LUZP2: variants seen among roughly 807,000 people sequenced by gnomAD.
LUZP2 encodes the protein leucine zipper protein 2.
A neutral mutation model predicts 51.6 loss-of-function variants in LUZP2; 52 were observed. The ratio of observed to expected loss-of-function variants is 1.01; its 90% CI spans 0.81 to 1.27. The LOEUF is 1.27. LUZP2 is among the 50% of genes most tolerant of loss of function. LUZP2 has a pLI of 0.00. For missense variants in LUZP2, 436 were observed against 395.4 expected, an observed-to-expected ratio of 1.10 and a Z score of -0.87; for synonymous variants, 154 against 137.3, an observed-to-expected ratio of 1.12 and a Z score of -0.85.
chr11:24,583,735 G>T (rs560406275), intron 1 of LUZP2, among the ~76,000 whole-genome samples: 15 of 147,684 alleles, frequency 1.0e-4, no homozygotes, highest in African/African-American at 3.2e-4. Flanking sequence ...ATGGAGTCTC[G>T]CTCTGTCGCC....
chr11:24,896,844 G>A (rs1204770554), intron 5 of LUZP2, among the ~76,000 whole-genome samples: 1 of 152,192 alleles, frequency 6.6e-6, no homozygotes, highest in Non-Finnish European at 1.5e-5. Flanking sequence ...TCTAGCTGAA[G>A]GTTTGTAAAC....
chr11:25,034,876 T>C (rs1203714319), intron 9 of LUZP2, among the ~76,000 whole-genome samples: 1 of 152,142 alleles, frequency 6.6e-6, no homozygotes, highest in Non-Finnish European at 1.5e-5. Context: ...CTTGTTCTTT[T>C]TGGTTAGGAT....
chr11:24,897,598 G>A lies in LUZP2; in HGVS notation c.397-8393G>A, dbSNP rs1225288391. Among the ~76,000 whole-genome samples, 9 of 152,188 alleles carry A rather than the reference G, an allele frequency of 5.9e-5. No homozygotes were observed. The South Asian group carries it at 1.7e-3, about 28-fold the overall frequency. Reference sequence around the variant, plus strand: ...AGGGAGACCAGGAACCCACCAGAAGGAAGAAACTCTGACCATGTCCGAACA... The same window carrying A: ...AGGGAGACCAGGAACCCACCAGAAGAAAGAAACTCTGACCATGTCCGAACA... On this transcript the variant is annotated intron_variant, in intron 5 of 11. Coordinates refer to ENST00000336930, the MANE Select transcript of LUZP2 (RefSeq NM_001009909.4).
chr11:24,802,866 T>C (rs1849733224), intron 5 of LUZP2, among the ~76,000 whole-genome samples: 1 of 152,062 alleles, frequency 6.6e-6, no homozygotes, highest in Non-Finnish European at 1.5e-5. Context: ...TGGGATTAAT[T>C]ATCTTATATA....
At chr11:24,569,491 G>T (rs1459294069) in intron 1 of LUZP2, among the ~76,000 whole-genome samples, 1 of 151,986 alleles carries the variant, frequency 6.6e-6, no homozygotes, top group Admixed American at 6.6e-5. Flanking sequence ...TAATGTTGAT[G>T]CTGCTACTCT....
chr11:25,050,277 A>G, intron 10 of LUZP2, 147 bp downstream of exon 10: 1 of 252,540 alleles, frequency 4.0e-6, no homozygotes, highest in East Asian at 6.1e-5. Flanking sequence ...AAGAAAGTAA[A>G]TGTTCTTTAT....
At chr11:24,543,517 A>C (rs1173136613) in intron 1 of LUZP2, among the ~76,000 whole-genome samples, 1 of 152,106 alleles carries the variant, frequency 6.6e-6, no homozygotes, top group Non-Finnish European at 1.5e-5. Flanking sequence ...GCCTTGAGAC[A>C]TACAGTTTGT....
intron 1 of LUZP2, among the ~76,000 whole-genome samples, chr11:24,636,518 A>G (rs1049992352): frequency 2.6e-5 from 4 of 152,162 alleles, no homozygotes; most frequent in Non-Finnish European, 5.9e-5. Flanking sequence ...AGCTCATATC[A>G]TTGTGGGAGT....
intron 9 of LUZP2, among the ~76,000 whole-genome samples, chr11:24,989,316 G>A (rs1856270524): frequency 6.6e-6 from 1 of 151,890 alleles, no homozygotes; most frequent in African/African-American, 2.4e-5. Context: ...GTTCCATGTT[G>A]GTGGACTGTA....
chr11:24,602,158 G>GTATATA lies in LUZP2; in HGVS notation c.62+104855_62+104860dup, dbSNP rs1491089624. Among the ~76,000 whole-genome samples, 158 of 122,990 alleles carry GTATATA rather than the reference G, an allele frequency of 1.3e-3. 5 individuals are homozygous for GTATATA. The highest frequency in any genetic ancestry group is 1.7e-3 in the Non-Finnish European group (107 of 61,654). 80.7% of individuals were successfully genotyped at this position (122,990 alleles called of 152,430 possible). A position where few individuals can be genotyped will look rare whatever the true frequency, so the allele number is the denominator to read the frequency against. On this transcript the variant is annotated intron_variant, in intron 1 of 11. Coordinates refer to ENST00000336930, the MANE Select transcript of LUZP2 (RefSeq NM_001009909.4). ...TGTATATATGTATATATGTATATAT[G>GTATATA]TATATATGTGTATATATATGTGTAT...
intron 1 of LUZP2, among the ~76,000 whole-genome samples, chr11:24,513,378 T>C (rs2133781510): frequency 6.6e-6 from 1 of 151,868 alleles, no homozygotes; most frequent in East Asian, 1.9e-4. Context: ...TTAGCAGTCG[T>C]TGGTAAGGTT....
intron 1 of LUZP2, among the ~76,000 whole-genome samples, chr11:24,607,282 T>C (rs1853955225): frequency 6.6e-6 from 1 of 151,220 alleles, no homozygotes; most frequent in African/African-American, 2.4e-5. Flanking sequence ...GTCTTATGTT[T>C]GAACCTTTAA....
chr11:24,649,835 C>T (rs1468003858), intron 1 of LUZP2, among the ~76,000 whole-genome samples: 1 of 151,882 alleles, frequency 6.6e-6, no homozygotes, highest in Non-Finnish European at 1.5e-5. Flanking sequence ...TAATTTCTGG[C>T]TTGCTGAAAG....
intron 4 of LUZP2, among the ~76,000 whole-genome samples, chr11:24,762,712 CG>C (rs1330341000): frequency 2.0e-5 from 3 of 152,032 alleles, no homozygotes; most frequent in Non-Finnish European, 4.4e-5. Flanking sequence ...TTAGGAAATA[CG>C]GTTCCAATAA....
At chr11:24,889,738 T>C (rs1434902950) in intron 5 of LUZP2, among the ~76,000 whole-genome samples, 1 of 152,168 alleles carries the variant, frequency 6.6e-6, no homozygotes, top group Non-Finnish European at 1.5e-5. Context: ...ACTGAAATGT[T>C]CTGATTTTTA....
At position 24,609,729 on chromosome 11, in the gene LUZP2, C is replaced by CAAAA. The variant is rs34436907; in HGVS notation, c.62+112450_62+112453dup. Among the ~76,000 whole-genome samples the CAAAA allele has an allele frequency of 1.1e-3, 72 of 65,910 alleles. 4 individuals are homozygous for CAAAA. Among genetic ancestry groups the CAAAA allele is most frequent in the African/African-American group, 5.2e-3 (71 of 13,762 alleles). 43.2% of individuals were successfully genotyped at this position (65,910 alleles called of 152,430 possible). A position where few individuals can be genotyped will look rare whatever the true frequency, so the allele number is the denominator to read the frequency against. On this transcript the variant is annotated intron_variant, in intron 1 of 11. Transcript: ENST00000336930. ...TGGATGATAGAGCAAGACTCCAGCT[C>CAAAA]AAAAAAAAAAAAAAAAAAAAAAAAA...
chr11:25,014,852 T>C (rs1056808449), intron 9 of LUZP2, among the ~76,000 whole-genome samples: 76 of 147,068 alleles, frequency 5.2e-4, no homozygotes, highest in African/African-American at 1.8e-3. Context: ...TGGTATTGCC[T>C]AGATTTTCTT....
intron 5 of LUZP2, among the ~76,000 whole-genome samples, chr11:24,852,511 G>A: frequency 6.6e-6 from 1 of 152,270 alleles, no homozygotes; most frequent in East Asian, 1.9e-4. Flanking sequence ...TTGCTGAGGA[G>A]TGCTTTACTT....
chr11:24,969,652 C>T (rs1480869044), intron 7 of LUZP2, among the ~76,000 whole-genome samples: 2 of 152,076 alleles, frequency 1.3e-5, no homozygotes, highest in Non-Finnish European at 2.9e-5. Flanking sequence ...CTTCTAGTTT[C>T]TGCATAAAGT....
Sources: gnomAD v4.1 joint callset for allele counts (sites outside exome capture counted in the v4.1 genomes callset) on GRCh38, gnomAD v4.1.1 for gene constraint, MANE v1.5 for transcripts, NCBI Gene and HGNC (gene_info 2026-07-23, HGNC 2026-07-21) for gene names.